Variants in GAB3 observed in about 807,000 individuals in gnomAD.
GAB3 encodes the protein GRB2 associated binding protein 3.
A neutral mutation model predicts 40.4 loss-of-function variants in GAB3; 12 were observed. The ratio of observed to expected loss-of-function variants is 0.30; its 90% CI spans 0.19 to 0.48. The LOEUF (loss-of-function observed/expected upper bound fraction) is 0.48, where lower values mean the gene tolerates loss of function less well. Among genes scored for constraint, GAB3 ranks in the 20% least tolerant of loss-of-function variants. The probability of loss-of-function intolerance (pLI) is 0.99; values close to 1 mark genes in which losing one functional copy is unlikely to be tolerated. For missense variants in GAB3, 381 were observed against 461.9 expected (o/e 0.82, Z 1.61); for synonymous variants, 154 against 176.7 (o/e 0.87, Z 1.02).
At chrX:154,688,930 C>T (rs1269561673) in intron 8 of GAB3, among the ~76,000 whole-genome samples, 2 of 111,361 alleles carry the variant, frequency 1.8e-5, no homozygotes, top group Non-Finnish European at 3.8e-5. Flanking sequence ...CCAGCATCAT[C>T]CTGATACCAA....
chrX:154,700,476 C>T (rs1054915289), intron 4 of GAB3, among the ~76,000 whole-genome samples: 2 of 110,632 alleles, frequency 1.8e-5, no homozygotes, highest in Non-Finnish European at 3.8e-5. Flanking sequence ...CTCAGGTAGA[C>T]GCATGGAGAG....
At chrX:154,733,929 T>C (rs1328486269) in intron 1 of GAB3, among the ~76,000 whole-genome samples, 5 of 112,522 alleles carry the variant, frequency 4.4e-5, no homozygotes, top group Non-Finnish European at 9.4e-5. Flanking sequence ...CTCTTATATT[T>C]ACTTACAATG....
At chrX:154,725,269 C>T (rs1323352450) in intron 1 of GAB3, among the ~76,000 whole-genome samples, 1 of 111,695 alleles carries the variant, frequency 9.0e-6, no homozygotes, top group Non-Finnish European at 1.9e-5. Flanking sequence ...CCCTGGGAAA[C>T]TAATACACTC....
At chrX:154,679,251 C>T (rs1557246253) in intron 9 of GAB3, 1 of 342,106 alleles carries the variant, frequency 2.9e-6, no homozygotes, top group Admixed American at 3.1e-5. Context: ...TCTTTTTCCT[C>T]TGCCAGGAGG....
chrX:154,741,618 G>A lies in GAB3; in HGVS notation c.72+9336C>T, dbSNP rs782717372. 8.7e-5 allele frequency among the ~76,000 whole-genome samples: 9 copies of A among 103,171 alleles called. No homozygotes were observed. In the East Asian group the frequency reaches 1.2e-3, roughly 14 times the overall value. 89.6% of individuals were successfully genotyped at this position (103,171 alleles called of 115,157 possible). ...TTGAACCTGGGAGGCGGAGCTTGCC[G>A]TGAGCCGAGGTCATGTCACTGCACT... On this transcript the variant is annotated intron_variant, in intron 1 of 9. Coordinates refer to ENST00000424127, the MANE Select transcript of GAB3 (RefSeq NM_001081573.3).
rs2070318054 is a variant in GAB3, at chrX:154,677,933, G to A, written c.*245C>T. ...ATCTTTGCTCCAATAGGACAGAGGG[G>A]AGGCTAGATTCTCTCAGAGCCCCCT... On this transcript the variant is annotated 3_prime_UTR_variant, in exon 10 of 10. Coordinates refer to ENST00000424127, the MANE Select transcript of GAB3 (RefSeq NM_001081573.3). 1 of 314,996 alleles carries A rather than the reference G, an allele frequency of 3.2e-6. No homozygotes were observed. The highest frequency in any genetic ancestry group is 4.7e-5 in the East Asian group (1 of 21,375). The allele number at this position is 314,996 out of a possible 1,213,427, so 26.0% of individuals were successfully genotyped here. A position where few individuals can be genotyped will look rare whatever the true frequency, so the allele number is the denominator to read the frequency against.
At chrX:154,678,474 C>T (rs1403775748) in intron 9 of GAB3, among the ~76,000 whole-genome samples, 180 bp from the exon 10 acceptor site, 1 of 112,541 alleles carries the variant, frequency 8.9e-6, no homozygotes, top group Non-Finnish European at 1.9e-5. Context: ...CAACTTTGCT[C>T]TAGCCACTTG....
At chrX:154,743,334 T>C (rs1479031631) in intron 1 of GAB3, among the ~76,000 whole-genome samples, 1 of 111,427 alleles carries the variant, frequency 9.0e-6, no homozygotes, top group South Asian at 3.7e-4. Context: ...CCAGCAGACC[T>C]AAACTACATG....
chrX:154,744,395 A>G (rs1341234141), intron 1 of GAB3, among the ~76,000 whole-genome samples: 1 of 111,635 alleles, frequency 9.0e-6, no homozygotes, highest in Non-Finnish European at 1.9e-5. Flanking sequence ...TAGAAAGAAG[A>G]AAATAGACTT....
At chrX:154,680,020 C>A in intron 9 of GAB3, 112 bp downstream of exon 9, 1 of 528,087 alleles carries the variant, frequency 1.9e-6, no homozygotes, top group Non-Finnish European at 3.3e-6. Flanking sequence ...CTTCATTATA[C>A]ATGTCTGCAT....
chrX:154,689,110 T>C (rs370474492), intron 8 of GAB3, among the ~76,000 whole-genome samples: 1 of 110,410 alleles, frequency 9.1e-6, no homozygotes, highest in South Asian at 3.8e-4. Flanking sequence ...GCTGGTTCAA[T>C]ATACGCAAAT....
At chrX:154,703,079 GA>G (rs1557252722) in intron 4 of GAB3, among the ~76,000 whole-genome samples, 2 of 112,191 alleles carry the variant, frequency 1.8e-5, no homozygotes. Context: ...AACCATTGTG[GA>G]AAACAGTGTG....
chrX:154,710,953 T>C (rs2070934355), intron 4 of GAB3, among the ~76,000 whole-genome samples: 1 of 112,486 alleles, frequency 8.9e-6, no homozygotes, highest in Admixed American at 9.4e-5. Context: ...CTTTCATTTT[T>C]CCCTTTTTGT....
At chrX:154,697,992 C>T (rs1306574668) in intron 6 of GAB3, among the ~76,000 whole-genome samples, 1 of 112,464 alleles carries the variant, frequency 8.9e-6, no homozygotes, top group African/African-American at 3.2e-5. Context: ...CAGACATCTT[C>T]TGTTGCCTAT....
At chrX:154,733,551 A>G (rs1486469059) in intron 1 of GAB3, among the ~76,000 whole-genome samples, 3 of 112,335 alleles carry the variant, frequency 2.7e-5, no homozygotes, top group Non-Finnish European at 5.6e-5. Flanking sequence ...AACCGACTGA[A>G]TAAATAAATG....
At chrX:154,738,952 C>A (rs782639924) in intron 1 of GAB3, among the ~76,000 whole-genome samples, 27 of 111,463 alleles carry the variant, frequency 2.4e-4, no homozygotes, top group Admixed American at 4.8e-4. Context: ...ATGATGGATC[C>A]TTTCTTTTCC....
At chrX:154,718,904 C>G (rs1165610118) in intron 1 of GAB3, among the ~76,000 whole-genome samples, 5 of 112,191 alleles carry the variant, frequency 4.5e-5, no homozygotes, top group African/African-American at 1.6e-4. Context: ...GTTATGGAGA[C>G]AATAGATTTC....
chrX:154,743,035 C>T (rs1175340002), intron 1 of GAB3, among the ~76,000 whole-genome samples: 1 of 104,957 alleles, frequency 9.5e-6, no homozygotes, highest in Admixed American at 1.0e-4. Context: ...CACACACATA[C>T]CTCAATAAAG....
In GAB3 at chrX:154,678,004, A is replaced by C; in HGVS notation, c.*174T>G. 1 of 374,084 alleles carries C rather than the reference A, an allele frequency of 2.7e-6. No individual in the cohort carries two copies. Among genetic ancestry groups the C allele is most frequent in the Non-Finnish European group, 4.7e-6 (1 of 214,737 alleles). 30.8% of individuals were successfully genotyped at this position (374,084 alleles called of 1,213,427 possible). On this transcript the variant is annotated 3_prime_UTR_variant, in exon 10 of 10. Coordinates refer to ENST00000424127, the MANE Select transcript of GAB3 (RefSeq NM_001081573.3). Reference sequence around the variant, plus strand: ...TCTTTTCTTCCTTCAATGTATAAACAGGTCTTCTTTCCTAAAGGTTCTGGC... The same window carrying C: ...TCTTTTCTTCCTTCAATGTATAAACCGGTCTTCTTTCCTAAAGGTTCTGGC...
Sources: allele counts gnomAD v4.1 joint callset (sites outside exome capture counted in the v4.1 genomes callset), GRCh38; gene constraint gnomAD v4.1.1; transcripts MANE v1.5; gene names NCBI Gene and HGNC (gene_info 2026-07-23, HGNC 2026-07-21).